Variants in XPO7 observed in about 807,000 individuals in gnomAD.
XPO7 encodes exportin 7, also known as exportin-7.
A neutral mutation model predicts 144.3 loss-of-function variants in XPO7; 21 were observed. The ratio of observed to expected loss-of-function variants is 0.15; its 90% CI spans 0.10 to 0.21. The LOEUF (loss-of-function observed/expected upper bound fraction) is 0.21. Among genes scored for constraint, XPO7 ranks in the 10% least tolerant of loss-of-function variants. XPO7 has a pLI of 1.00. For missense variants in XPO7, 808 were observed against 1,325.8 expected (o/e 0.61, Z 6.06); for synonymous variants, 580 against 499.6 (o/e 1.16, Z -2.15).
rs199826498 is a variant in XPO7, at chr8:21,968,246, A to T, written c.166-1237A>T. On this transcript the variant is annotated intron_variant, in intron 2 of 27. Transcript: ENST00000252512. Reference sequence around the variant, plus strand: ...TCCAAAAAGTATCCTTAAGACTGGAATGAAATGTGAAAAAATGAAAGTTAA... The same window carrying T: ...TCCAAAAAGTATCCTTAAGACTGGATTGAAATGTGAAAAAATGAAAGTTAA... Among the ~76,000 whole-genome samples the T allele has an allele frequency of 1.5e-4, 23 of 152,360 alleles. No homozygotes were observed. In the East Asian group the frequency reaches 3.9e-3, roughly 26 times the overall value.
At position 21,990,846 on chromosome 8, in the gene XPO7, G is replaced by A. The variant is rs1292074809; in HGVS notation, c.1968G>A (p.Gln656=). The part of the protein sequence containing the change: ...EHFSFLGINN[Q]SNLTDMRCRT... Reference sequence around the variant, plus strand: ...TTTCATTTTTGGGTATTAACAATCAGTCCAACCTGACAGACATGCGGTGTC... The same window carrying A: ...TTTCATTTTTGGGTATTAACAATCAATCCAACCTGACAGACATGCGGTGTC... The change falls in exon 18 of 28, where the codon CAG becomes CAA. Residue 656 remains glutamine, a synonymous_variant. Coordinates refer to ENST00000252512, the MANE Select transcript of XPO7 (RefSeq NM_015024.5). 5 of 1,613,838 alleles carry A rather than the reference G, an allele frequency of 3.1e-6. No individual in the cohort carries two copies. Among genetic ancestry groups the A allele is most frequent in the Non-Finnish European group, 4.2e-6 (5 of 1,179,860 alleles).
chr8:21,923,450 A>G (rs376379513), intron 1 of XPO7, among the ~76,000 whole-genome samples: 99 of 152,254 alleles, frequency 6.5e-4, no homozygotes, highest in African/African-American at 2.2e-3. Flanking sequence ...TGTGTATTTT[A>G]TTTCATTATT....
intron 16 of XPO7, 29 bp downstream of exon 16, chr8:21,989,112 A>C (rs924059534): frequency 1.3e-6 from 2 of 1,583,108 alleles, no homozygotes; most frequent in African/African-American, 2.7e-5. Context: ...ACTTCTGTGC[A>C]CAACAGAAAC....
intron 1 of XPO7, among the ~76,000 whole-genome samples, chr8:21,920,126 G>T (rs1419676214): frequency 1.4e-5 from 1 of 69,898 alleles, no homozygotes; most frequent in African/African-American, 5.6e-5. Context: ...CCCCCCGCCC[G>T]CCCCCCGGTG....
intron 1 of XPO7, among the ~76,000 whole-genome samples, chr8:21,942,729 A>C (rs1811034368): frequency 6.6e-6 from 1 of 152,194 alleles, no homozygotes; most frequent in Non-Finnish European, 1.5e-5. Context: ...AACTTTCCTT[A>C]CTCTTACATG....
At chr8:21,959,105 A>G (rs1811637543) in intron 1 of XPO7, among the ~76,000 whole-genome samples, 2 of 152,194 alleles carry the variant, frequency 1.3e-5, no homozygotes, top group African/African-American at 4.8e-5. Context: ...GGATTTGATG[A>G]TTACAAATAC....
chr8:21,955,853 C>T (rs1811519605), intron 1 of XPO7, among the ~76,000 whole-genome samples: 1 of 151,518 alleles, frequency 6.6e-6, no homozygotes, highest in South Asian at 2.1e-4. Flanking sequence ...CTCGGCCTCC[C>T]AAGTAGCTCG....
At chr8:21,948,609 G>A (rs1811268386) in intron 1 of XPO7, among the ~76,000 whole-genome samples, 1 of 152,072 alleles carries the variant, frequency 6.6e-6, no homozygotes, top group African/African-American at 2.4e-5. Context: ...ACATAAAATT[G>A]TCATTTTTAC....
chr8:21,991,985 CTT>C lies in XPO7; in HGVS notation c.2148+13_2148+14del, dbSNP rs1453462634. The C allele has an allele frequency of 6.2e-7, 1 of 1,605,006 alleles. No homozygotes were observed. Among genetic ancestry groups the C allele is most frequent in the Non-Finnish European group, 8.5e-7 (1 of 1,173,918 alleles). On this transcript the variant is annotated intron_variant, in intron 19 of 27. Transcript: ENST00000252512. ...GAGCAGGAGGCAAAGGTGAGTGAGT[CTT>C]TCACCCAGTAATTAATCAGCTTCTG...
intron 9 of XPO7, among the ~76,000 whole-genome samples, chr8:21,981,284 T>A (rs1227728031): frequency 6.6e-6 from 1 of 152,258 alleles, no homozygotes; most frequent in Admixed American, 6.5e-5. Context: ...TGTATAACTT[T>A]GCTAACTATC....
chr8:21,989,819 TCC>T (rs1271532941), intron 16 of XPO7, among the ~76,000 whole-genome samples: 1 of 118,180 alleles, frequency 8.5e-6, no homozygotes, highest in Non-Finnish European at 1.7e-5. Context: ...TATAGGTGTT[TCC>T]TTTTTTTTTT....
intron 1 of XPO7, among the ~76,000 whole-genome samples, chr8:21,933,262 G>A (rs780000887): frequency 1.3e-5 from 2 of 151,900 alleles, no homozygotes; most frequent in Non-Finnish European, 2.9e-5. Context: ...CACCACACCC[G>A]GCTAATTTTT....
intron 1 of XPO7, among the ~76,000 whole-genome samples, chr8:21,946,457 TC>T (rs1811189884): frequency 6.6e-6 from 1 of 151,630 alleles, no homozygotes; most frequent in African/African-American, 2.4e-5. Flanking sequence ...AAGATACTGT[TC>T]AGATTACAGC....
At chr8:21,964,212 C>T (rs1003703415) in intron 1 of XPO7, 2 of 152,142 alleles carry the variant, frequency 1.3e-5, no homozygotes, top group African/African-American at 2.4e-5. Context: ...AGACATTCTT[C>T]TCTGGAGGAT....
At chr8:21,980,402 T>C (rs555684850) in intron 9 of XPO7, among the ~76,000 whole-genome samples, 199 bp downstream of exon 9, 101 of 152,278 alleles carry the variant, frequency 6.6e-4, no homozygotes, top group Non-Finnish European at 1.3e-3. Context: ...TTCAGAAATG[T>C]AGGAGTTACA....
chr8:21,996,831 G>A (rs921499591), intron 21 of XPO7, among the ~76,000 whole-genome samples: 10 of 151,784 alleles, frequency 6.6e-5, no homozygotes, highest in African/African-American at 2.2e-4. Context: ...TGTTTGATCC[G>A]GAGTTTCTCT....
Position 21,994,431 on chromosome 8 carries a change from C to T in XPO7, c.2217C>T (p.Phe739=), listed in dbSNP as rs2117390010. ...TCGCTTTCAATGCCAAGACCAGCTTCATGATGCTCTTTGAATGGATGTATC... is the reference window on the plus strand; with the variant it reads ...TCGCTTTCAATGCCAAGACCAGCTTTATGATGCTCTTTGAATGGATGTATC... ...IAFAFNAKTS[F]MMLFEWIYPS... is the part of the protein sequence containing the mutation. Residue 739 remains phenylalanine (F), a synonymous_variant, in exon 20 of 28, where the codon TTC becomes TTT. Coordinates refer to ENST00000252512, the MANE Select transcript of XPO7 (RefSeq NM_015024.5). 2.5e-6 allele frequency: 4 copies of T among 1,611,868 alleles called. No homozygotes were observed. The East Asian group carries it at 6.7e-5, about 27-fold the overall frequency.
chr8:21,922,809 A>G (rs1187296797), intron 1 of XPO7, among the ~76,000 whole-genome samples: 1 of 152,226 alleles, frequency 6.6e-6, no homozygotes, highest in Non-Finnish European at 1.5e-5. Flanking sequence ...TGGAATTACT[A>G]CGTTGTTGTG....
intron 1 of XPO7, among the ~76,000 whole-genome samples, chr8:21,957,808 A>G (rs1355433407): frequency 2.0e-5 from 3 of 151,922 alleles, no homozygotes; most frequent in Non-Finnish European, 4.4e-5. Context: ...GGCATGCACA[A>G]CCATGCCTGG....
Sources: gnomAD v4.1 joint callset for allele counts (sites outside exome capture counted in the v4.1 genomes callset) on GRCh38, gnomAD v4.1.1 for gene constraint, MANE v1.5 for transcripts, NCBI Gene and HGNC (gene_info 2026-07-23, HGNC 2026-07-21) for gene names.